Variants in TAFA2 observed in about 807,000 individuals in gnomAD.
The protein encoded by TAFA2 is chemokine-like protein TAFA-2.
TAFA2 carries 7 observed loss-of-function variants against 18.8 expected under a neutral mutation model. The observed-to-expected ratio is 0.37, with a 90% confidence interval of 0.21 to 0.70. The LOEUF (loss-of-function observed/expected upper bound fraction) is 0.70, where lower values mean the gene tolerates loss of function less well. TAFA2 is among the 30% of genes least tolerant of loss of function. The probability of loss-of-function intolerance (pLI) is 0.53; values close to 1 mark genes in which losing one functional copy is unlikely to be tolerated. For synonymous variants in TAFA2, 60 were observed against 54.2 expected, an observed-to-expected ratio of 1.11 and a Z score of -0.47; for missense variants, 122 against 158.1, an observed-to-expected ratio of 0.77 and a Z score of 1.23.
intron 1 of TAFA2, among the ~76,000 whole-genome samples, chr12:62,125,712 T>G (rs1277697757): frequency 6.6e-6 from 1 of 152,096 alleles, no homozygotes; most frequent in Non-Finnish European, 1.5e-5. Context: ...TCGCACAACT[T>G]AAGTTGTTAA....
intron 2 of TAFA2, among the ~76,000 whole-genome samples, chr12:61,764,622 A>G (rs1231617361): frequency 6.6e-6 from 1 of 152,076 alleles, no homozygotes; most frequent in Non-Finnish European, 1.5e-5. Flanking sequence ...AGACTTAGAG[A>G]TTTCTCCCAA....
intron 1 of TAFA2, among the ~76,000 whole-genome samples, chr12:62,042,630 T>G (rs923011586): frequency 1.3e-5 from 2 of 152,158 alleles, no homozygotes; most frequent in African/African-American, 2.4e-5. Context: ...AGTACTTGCA[T>G]GATATTACTT....
At chr12:61,738,303 A>G (rs1485346158) in intron 4 of TAFA2, among the ~76,000 whole-genome samples, 2 of 144,426 alleles carry the variant, frequency 1.4e-5, no homozygotes, top group African/African-American at 4.9e-5. Flanking sequence ...ACACACACAC[A>G]CACACACACA....
intron 1 of TAFA2, among the ~76,000 whole-genome samples, chr12:61,883,469 C>T (rs557821385): frequency 3.3e-5 from 5 of 152,190 alleles, no homozygotes; most frequent in East Asian, 1.9e-4. Flanking sequence ...ACAGCTATTA[C>T]GAAGTTCTTA....
chr12:62,010,377 C>G (rs927102635), intron 1 of TAFA2, among the ~76,000 whole-genome samples: 1 of 152,140 alleles, frequency 6.6e-6, no homozygotes, highest in African/African-American at 2.4e-5. Context: ...GGGCTGGTCT[C>G]CGGCTCCTGA....
At chr12:61,903,772 T>C (rs1344530862) in intron 1 of TAFA2, among the ~76,000 whole-genome samples, 1 of 152,210 alleles carries the variant, frequency 6.6e-6, no homozygotes, top group African/African-American at 2.4e-5. Flanking sequence ...TCAACTACTG[T>C]ATGTGAGTCA....
At chr12:61,922,934 G>A (rs929034889) in intron 1 of TAFA2, among the ~76,000 whole-genome samples, 2 of 152,152 alleles carry the variant, frequency 1.3e-5, no homozygotes, top group African/African-American at 2.4e-5. Context: ...CTATTCCCGA[G>A]GCTTCAGTAG....
intron 1 of TAFA2, among the ~76,000 whole-genome samples, chr12:62,078,601 C>A (rs1276039118): frequency 6.6e-6 from 1 of 152,090 alleles, no homozygotes; most frequent in Non-Finnish European, 1.5e-5. Context: ...TCAGACTGTG[C>A]AGATGCTAAA....
intron 1 of TAFA2, among the ~76,000 whole-genome samples, chr12:62,177,702 G>C (rs1344533424): frequency 6.6e-6 from 1 of 152,096 alleles, no homozygotes; most frequent in Non-Finnish European, 1.5e-5. Flanking sequence ...GGCTACAGTT[G>C]CTCTGGGGAT....
intron 1 of TAFA2, among the ~76,000 whole-genome samples, chr12:62,138,897 C>T (rs1386130805): frequency 6.6e-6 from 1 of 152,154 alleles, no homozygotes; most frequent in Admixed American, 6.5e-5. Flanking sequence ...AGTTTGCCAA[C>T]TTTATCCTTA....
intron 2 of TAFA2, among the ~76,000 whole-genome samples, chr12:61,833,093 A>G (rs1050110466): frequency 4.7e-5 from 7 of 147,908 alleles, no homozygotes; most frequent in African/African-American, 1.5e-4. Context: ...TATATATTAT[A>G]TATATGATTC....
At chr12:61,770,880 G>C (rs191198747) in intron 2 of TAFA2, among the ~76,000 whole-genome samples, 118 of 152,026 alleles carry the variant, frequency 7.8e-4, no homozygotes, top group African/African-American at 2.8e-3. Context: ...GTGAATAGAA[G>C]AGTACCTCAC....
intron 2 of TAFA2, among the ~76,000 whole-genome samples, chr12:61,816,683 G>C (rs570287745): frequency 4.9e-4 from 74 of 151,346 alleles, no homozygotes; most frequent in Non-Finnish European, 9.7e-4. Context: ...AGAGCATTGG[G>C]ATAAGTTATT....
chr12:61,849,320 A>C (rs1873543637), intron 2 of TAFA2, among the ~76,000 whole-genome samples: 1 of 152,092 alleles, frequency 6.6e-6, no homozygotes, highest in Non-Finnish European at 1.5e-5. Flanking sequence ...CTGACTTTAA[A>C]TTTTCTCCTA....
chr12:61,880,474 G>A lies in TAFA2; in HGVS notation c.-1-13048C>T, dbSNP rs1382726182. 4 of 536,470 alleles carry A rather than the reference G, an allele frequency of 7.5e-6. No individual in the cohort carries two copies. The East Asian group carries it at 2.1e-4, about 28-fold the overall frequency. The allele number at this position is 536,470 out of a possible 1,614,324, so 33.2% of individuals were successfully genotyped here. Reference sequence around the variant, plus strand: ...AGCTGATGAATGTCAAGCTGGCCCTGGACATCAAGACTGCCACCTACAAGA... The same window carrying A: ...AGCTGATGAATGTCAAGCTGGCCCTAGACATCAAGACTGCCACCTACAAGA... On this transcript the variant is annotated intron_variant, in intron 1 of 4. Coordinates refer to ENST00000416284, the MANE Select transcript of TAFA2 (RefSeq NM_178539.5).
intron 1 of TAFA2, among the ~76,000 whole-genome samples, chr12:61,988,575 A>T (rs1332127095): frequency 6.6e-6 from 1 of 152,296 alleles, no homozygotes; most frequent in South Asian, 2.1e-4. Context: ...TGTTTATTGA[A>T]AGCACCTACT....
intron 2 of TAFA2, among the ~76,000 whole-genome samples, chr12:61,779,363 T>A (rs1475513283): frequency 6.6e-6 from 1 of 151,716 alleles, no homozygotes; most frequent in Non-Finnish European, 1.5e-5. Flanking sequence ...AATCAGAACT[T>A]AGAGTGGCAA....
At chr12:62,097,318 A>G (rs538054266) in intron 1 of TAFA2, among the ~76,000 whole-genome samples, 1 of 152,262 alleles carries the variant, frequency 6.6e-6, no homozygotes, top group South Asian at 2.1e-4. Context: ...TGAGGAGGTA[A>G]TAATTAAACT....
intron 1 of TAFA2, among the ~76,000 whole-genome samples, chr12:61,982,064 G>C (rs140199259): frequency 0.018 from 2,770 of 152,250 alleles, 83 homozygotes; most frequent in African/African-American, 0.064. Context: ...TGATAGACTG[G>C]ATTAAGAAAA....
Sources: gnomAD v4.1 joint callset for allele counts (sites outside exome capture counted in the v4.1 genomes callset) on GRCh38, gnomAD v4.1.1 for gene constraint, MANE v1.5 for transcripts, NCBI Gene and HGNC (gene_info 2026-07-23, HGNC 2026-07-21) for gene names.